Variants in TTC7A observed in about 807,000 individuals in gnomAD.
TTC7A encodes tetratricopeptide repeat protein 7A.
A neutral mutation model predicts 103.7 loss-of-function variants in TTC7A; 110 were observed. The ratio of observed to expected loss-of-function variants is 1.06; its 90% confidence interval spans 0.91 to 1.24. The LOEUF is 1.24. Among genes scored for constraint, TTC7A ranks in the 50% most tolerant of loss-of-function variants. The pLI, the probability that TTC7A is intolerant of heterozygous loss-of-function variation, is 0.00. For missense variants in TTC7A, 1,340 were observed against 1,116.3 expected, an observed-to-expected ratio of 1.20 and a Z score of -2.86; for synonymous variants, 521 against 467.9, an observed-to-expected ratio of 1.11 and a Z score of -1.47.
At chr2:46,995,226 C>A (rs1422705175) in intron 8 of TTC7A, 27 bp downstream of exon 8, 1 of 1,611,306 alleles carries the variant, frequency 6.2e-7, no homozygotes, top group South Asian at 1.1e-5. Flanking sequence ...CCTTCAGGGG[C>A]CTCTGGCCCT....
chr2:47,011,350 T>C lies in TTC7A; in HGVS notation c.1307T>C (p.Leu436Pro), dbSNP rs370382881. ...ACGKSAYAVS[L>P]LRECVKLRPS... ...CTGCAGTCAGCCTACGCTGTGTCCCTGCTGCGGGAGTGTGTGAAGTTGCGG... is the reference window on the plus strand; with the variant it reads ...CTGCAGTCAGCCTACGCTGTGTCCCCGCTGCGGGAGTGTGTGAAGTTGCGG... Residue 436 changes from leucine (L) to proline (P), a missense_variant, in exon 11 of 20, where the codon CTG becomes CCG. Leu to Pro is a moderately conservative substitution (Grantham distance 98). Coordinates refer to ENST00000319190, the MANE Select transcript of TTC7A (RefSeq NM_020458.4). The C allele has an allele frequency of 5.0e-6, 8 of 1,613,302 alleles. No homozygotes were observed. The African/African-American group carries it at 1.1e-4, about 22-fold the overall frequency.
At chr2:47,027,082 C>T (rs1020555902) in intron 14 of TTC7A, among the ~76,000 whole-genome samples, 3 of 152,192 alleles carry the variant, frequency 2.0e-5, no homozygotes, top group Non-Finnish European at 4.4e-5. Context: ...TCCAGCCTGC[C>T]GTAAGTTTCT....
In TTC7A at chr2:47,074,121, G is replaced by T. The variant is rs1323817150; in HGVS notation, c.*198G>T. ...CTGGATTTCTTTGTTGGTGCCTTGG[G>T]AAACAGTCTGACTTGAACCCTAAGT... is the stretch of plus-strand genomic sequence containing the variant. On this transcript the variant is annotated 3_prime_UTR_variant, in exon 20 of 20. Coordinates refer to ENST00000319190, the MANE Select transcript of TTC7A (RefSeq NM_020458.4). 1.7e-6 allele frequency: 1 copy of T among 596,686 alleles called. No individual in the cohort carries two copies. Among genetic ancestry groups the T allele is most frequent in the African/African-American group, 1.9e-5 (1 of 53,742 alleles). The allele number at this position is 596,686 out of a possible 1,614,324, so 37.0% of individuals were successfully genotyped here.
chr2:47,029,918 C>G (rs1418155059), intron 15 of TTC7A, among the ~76,000 whole-genome samples: 3 of 152,178 alleles, frequency 2.0e-5, no homozygotes, highest in Non-Finnish European at 1.5e-5. Context: ...TGCACTTGGC[C>G]TAAGTGGTGG....
intron 3 of TTC7A, among the ~76,000 whole-genome samples, chr2:46,964,738 G>C (rs1672687464): frequency 6.6e-6 from 1 of 152,148 alleles, no homozygotes; most frequent in South Asian, 2.1e-4. Flanking sequence ...TCTAGCTTTA[G>C]CCCGTTCAGC....
In TTC7A at chr2:47,016,481, A is replaced by G. The variant is rs1424610133; in HGVS notation, c.1392+5046A>G. Reference sequence around the variant, plus strand: ...CTGTGAAAATGCCAGGGGAGCCCCTAATCACTCTAGAATTGCAGAGGACTA... The same window carrying G: ...CTGTGAAAATGCCAGGGGAGCCCCTGATCACTCTAGAATTGCAGAGGACTA... On this transcript the variant is annotated intron_variant, in intron 11 of 19. Coordinates refer to ENST00000319190, the MANE Select transcript of TTC7A (RefSeq NM_020458.4). Among the ~76,000 whole-genome samples the G allele has an allele frequency of 7.2e-5, 11 of 152,184 alleles. No homozygotes were observed. In the East Asian group the frequency reaches 1.7e-3, roughly 24 times the overall value.
intron 19 of TTC7A, among the ~76,000 whole-genome samples, chr2:47,071,592 A>C (rs1466267501): frequency 6.6e-6 from 1 of 152,190 alleles, no homozygotes; most frequent in African/African-American, 2.4e-5. Flanking sequence ...AGCTCAGAGA[A>C]AGTTGGCCAT....
upstream of TTC7A, chr2:46,916,136 G>T: frequency 1.0e-6 from 1 of 985,532 alleles, no homozygotes; most frequent in Non-Finnish European, 1.2e-6. Context: ...CCCAAAGCTG[G>T]CTCCCAACTC....
chr2:46,930,078 C>G (rs1016737065), intron 2 of TTC7A, among the ~76,000 whole-genome samples: 2 of 152,122 alleles, frequency 1.3e-5, no homozygotes, highest in African/African-American at 4.8e-5. Flanking sequence ...GAGTTTTTTA[C>G]TATGTATCAT....
At chr2:46,987,842 GTT>G (rs1491537292) in intron 5 of TTC7A, among the ~76,000 whole-genome samples, 9,924 of 146,608 alleles carry the variant, frequency 0.068, 409 homozygotes, top group Admixed American at 0.11. Context: ...GTGTGTGTGT[GTT>G]TGTGTGTGTC....
At chr2:46,935,347 C>T (rs1669925654) in intron 2 of TTC7A, among the ~76,000 whole-genome samples, 1 of 152,050 alleles carries the variant, frequency 6.6e-6, no homozygotes, top group African/African-American at 2.4e-5. Flanking sequence ...TTGCCCAGTC[C>T]TAATCAAGTC....
At chr2:47,036,719 G>A (rs967605111) in intron 15 of TTC7A, among the ~76,000 whole-genome samples, 6 of 152,202 alleles carry the variant, frequency 3.9e-5, no homozygotes, top group Admixed American at 1.3e-4. Flanking sequence ...TTAACCAGGC[G>A]TGGTGGCACA....
chr2:46,934,887 G>GC (rs1244419685), intron 2 of TTC7A, among the ~76,000 whole-genome samples: 1 of 128,704 alleles, frequency 7.8e-6, no homozygotes, highest in Non-Finnish European at 1.6e-5. Flanking sequence ...TGCAACCTCC[G>GC]CCTCCCGGGT....
At chr2:46,963,681 C>G (rs1018988659) in intron 3 of TTC7A, among the ~76,000 whole-genome samples, 39 of 152,158 alleles carry the variant, frequency 2.6e-4, no homozygotes, top group African/African-American at 8.9e-4. Context: ...TATTTATGGC[C>G]CCTTGTACTA....
chr2:47,051,969 A>G, intron 18 of TTC7A, 89 bp downstream of exon 18: 1 of 1,476,736 alleles, frequency 6.8e-7, no homozygotes, highest in Non-Finnish European at 9.1e-7. Context: ...GAGTGTGGGG[A>G]GGTGGGGACA....
chr2:47,004,465 G>A (rs146356885), intron 8 of TTC7A, among the ~76,000 whole-genome samples: 89 of 152,306 alleles, frequency 5.8e-4, no homozygotes, highest in South Asian at 1.2e-3. Context: ...CCCACTTGCT[G>A]CATAGGAGGG....
At chr2:47,044,781 C>CA (rs1008771927) in intron 15 of TTC7A, among the ~76,000 whole-genome samples, 9 of 152,170 alleles carry the variant, frequency 5.9e-5, no homozygotes, top group Non-Finnish European at 1.3e-4. Context: ...AATCCTGGGG[C>CA]AAATTCCACC....
At chr2:46,980,703 G>T (rs527955444) in intron 5 of TTC7A, among the ~76,000 whole-genome samples, 1 of 152,174 alleles carries the variant, frequency 6.6e-6, no homozygotes, top group Admixed American at 6.5e-5. Flanking sequence ...GGGCACAGAG[G>T]CTCAGTCCCA....
intron 16 of TTC7A, among the ~76,000 whole-genome samples, chr2:47,049,728 G>C (rs1682679380): frequency 6.6e-6 from 1 of 152,070 alleles, no homozygotes; most frequent in African/African-American, 2.4e-5. Flanking sequence ...CCAGGTCTCA[G>C]CCTGTGTGGT....
Sources: gnomAD v4.1 joint callset for allele counts (sites outside exome capture counted in the v4.1 genomes callset) on GRCh38, gnomAD v4.1.1 for gene constraint, MANE v1.5 for transcripts, NCBI Gene and HGNC (gene_info 2026-07-23, HGNC 2026-07-21) for gene names.